Variants in PTPRQ observed in about 807,000 individuals in gnomAD.
PTPRQ encodes phosphatidylinositol phosphatase PTPRQ.
A neutral mutation model predicts 246.0 loss-of-function variants in PTPRQ; 199 were observed. The observed-to-expected ratio is 0.81, with a 90% confidence interval of 0.72 to 0.91. The LOEUF (loss-of-function observed/expected upper bound fraction) is 0.91. Among genes scored for constraint, PTPRQ ranks in the 40% least tolerant of loss-of-function variants. PTPRQ has a pLI of 0.00. For missense variants in PTPRQ, 2,624 were observed against 2,528.4 expected, an observed-to-expected ratio of 1.04 and a Z score of -0.81; for synonymous variants, 869 against 853.2, an observed-to-expected ratio of 1.02 and a Z score of -0.32.
chr12:80,456,673 C>A (rs1892992381), intron 3 of PTPRQ, among the ~76,000 whole-genome samples: 1 of 152,114 alleles, frequency 6.6e-6, no homozygotes, highest in Non-Finnish European at 1.5e-5. Context: ...TCATCTCACA[C>A]TTTATAAATC....
chr12:80,619,473 C>G lies in PTPRQ; in HGVS notation c.5320C>G (p.Pro1774Ala). ...TTCAACAACAATTACAATCAGAATG[C>G]CAATATGTTACTACAGTGATGATCA... ...VTSTTITIRM[P>A]ICYYSDDHGP... is the part of the protein sequence containing the mutation. Residue 1774 changes from proline (P) to alanine (A), a missense_variant, in exon 31 of 45, where the codon CCA becomes GCA. Physicochemically the swap from Pro to Ala is conservative, Grantham distance 27 (BLOSUM62 -1). Coordinates refer to ENST00000644991, the MANE Select transcript of PTPRQ (RefSeq NM_001145026.2). 6.5e-7 allele frequency: 1 copy of G among 1,547,804 alleles called. No homozygotes were observed.
rs61951081 is a variant in PTPRQ, at chr12:80,610,625, G to A, written c.4918G>A (p.Ala1640Thr). Residue 1640 changes from alanine (A) to threonine (T), a missense_variant and splice_region_variant, in exon 28 of 45, where the codon GCC (alanine) becomes ACC (threonine). Transcript: ENST00000644991. Reference protein sequence around the residue: ...AEMIVTTLESAPKDPPNNMTF... With the variant: ...AEMIVTTLESTPKDPPNNMTF... ...AATGATTGTTACTACTTTAGAATCAGGTAAGGAGAATTTCTCAACCTTGCT... is the reference window on the plus strand; with the variant it reads ...AATGATTGTTACTACTTTAGAATCAAGTAAGGAGAATTTCTCAACCTTGCT... 1 of 1,541,148 alleles carries A rather than the reference G, an allele frequency of 6.5e-7. No homozygotes were observed. The highest frequency in any genetic ancestry group is 2.0e-5 in the Admixed American group (1 of 50,496).
intron 26 of PTPRQ, among the ~76,000 whole-genome samples, chr12:80,589,335 G>A (rs558862596): frequency 9.2e-5 from 14 of 152,238 alleles, no homozygotes; most frequent in African/African-American, 3.4e-4. Context: ...CAGCCCTCCA[G>A]AGCAAATTTC....
intron 8 of PTPRQ, among the ~76,000 whole-genome samples, chr12:80,479,509 C>G (rs1298901459): frequency 6.8e-6 from 1 of 147,826 alleles, no homozygotes; most frequent in African/African-American, 2.5e-5. Flanking sequence ...ATGACAGGAT[C>G]AAATTCACAC....
intron 43 of PTPRQ, among the ~76,000 whole-genome samples, chr12:80,674,000 C>G (rs1901056809): frequency 6.6e-6 from 1 of 151,906 alleles, no homozygotes; most frequent in African/African-American, 2.4e-5. Flanking sequence ...TAAGGCAGGG[C>G]CAGTAAAACC....
At chr12:80,543,028 A>G in intron 23 of PTPRQ, 147 bp downstream of exon 23, 1 of 621,748 alleles carries the variant, frequency 1.6e-6, no homozygotes, top group Non-Finnish European at 2.5e-6. Flanking sequence ...AAGGATGCTT[A>G]TGGAAAACAC....
At chr12:80,540,654 T>C (rs559003186) in intron 20 of PTPRQ, among the ~76,000 whole-genome samples, 26 of 152,206 alleles carry the variant, frequency 1.7e-4, no homozygotes, top group Non-Finnish European at 2.5e-4. Flanking sequence ...ATTGACAGAT[T>C]CCTTAAGCAT....
At chr12:80,566,063 T>C (rs12319032) in intron 25 of PTPRQ, among the ~76,000 whole-genome samples, 5,551 of 152,308 alleles carry the variant, frequency 0.036, 344 homozygotes, top group African/African-American at 0.13. Context: ...TGCTTCTATG[T>C]CTAGATACCT....
intron 35 of PTPRQ, among the ~76,000 whole-genome samples, chr12:80,648,609 T>C: frequency 6.6e-6 from 1 of 152,142 alleles, no homozygotes; most frequent in South Asian, 2.1e-4. Flanking sequence ...CTATTTTTAA[T>C]GTAGTATCCT....
chr12:80,454,412 AT>A lies in PTPRQ; in HGVS notation c.391-3162del, dbSNP rs1310177970. On this transcript the variant is annotated intron_variant, in intron 3 of 44. Coordinates refer to ENST00000644991, the MANE Select transcript of PTPRQ (RefSeq NM_001145026.2). ...CCACTGTCTGGCACTCCCTAGTGAG[AT>A]GAACCCGGTACCTCAGATGGAAATG... 9.8e-5 allele frequency: 34 copies of A among 347,324 alleles called. 1 individual carries two copies. Among genetic ancestry groups the A allele is most frequent in the Non-Finnish European group, 1.5e-4 (30 of 205,076 alleles). 21.5% of individuals were successfully genotyped at this position (347,324 alleles called of 1,614,324 possible). A position where few individuals can be genotyped will look rare whatever the true frequency, so the allele number is the denominator to read the frequency against.
chr12:80,511,012 A>G (rs1298519515), intron 17 of PTPRQ, among the ~76,000 whole-genome samples: 1 of 152,192 alleles, frequency 6.6e-6, no homozygotes, highest in East Asian at 1.9e-4. Context: ...AGAACTTGGT[A>G]GATTGAAATC....
At chr12:80,669,295 A>G (rs964325734) in intron 40 of PTPRQ, 44 bp from the exon 41 acceptor site, 4 of 1,543,380 alleles carry the variant, frequency 2.6e-6, no homozygotes, top group Non-Finnish European at 8.7e-7. Context: ...ATATATATCA[A>G]TATAACAATG....
At chr12:80,534,771 A>G in intron 18 of PTPRQ, 121 bp from the exon 19 acceptor site, 1 of 1,249,510 alleles carries the variant, frequency 8.0e-7, no homozygotes, top group Non-Finnish European at 1.1e-6. Flanking sequence ...TTTCTAATTC[A>G]AGCTTTTTTG....
At chr12:80,595,255 C>T (rs902689982) in intron 26 of PTPRQ, among the ~76,000 whole-genome samples, 30 of 152,088 alleles carry the variant, frequency 2.0e-4, no homozygotes, top group African/African-American at 7.2e-4. Flanking sequence ...TTTAGTGGGG[C>T]TTTGAGTTCC....
intron 3 of PTPRQ, among the ~76,000 whole-genome samples, chr12:80,455,581 C>T (rs1012379725): frequency 7.6e-6 from 1 of 131,192 alleles, no homozygotes; most frequent in Admixed American, 8.6e-5. Context: ...AAAGTCTCGT[C>T]CTTTACATAG....
At chr12:80,678,824 C>T (rs1901227443) in intron 44 of PTPRQ, 99 bp downstream of exon 44, 2 of 1,448,350 alleles carry the variant, frequency 1.4e-6, no homozygotes, top group Non-Finnish European at 1.8e-6. Context: ...GTTTAAGAAG[C>T]TGGATTAGTG....
chr12:80,568,223 A>G (rs1337496940), intron 25 of PTPRQ, among the ~76,000 whole-genome samples: 1 of 152,240 alleles, frequency 6.6e-6, no homozygotes, highest in South Asian at 2.1e-4. Flanking sequence ...ATTATTTAGT[A>G]TACTAATTTA....
chr12:80,620,340 T>A lies in PTPRQ; in HGVS notation c.5576T>A (p.Ile1859Asn). ...ATGATTCCTGGCAATGAAGACAAAA[T>A]TTGCAATGGACCACTGAAACCAAAA... ...ACMIPGNEDK[I>N]CNGPLKPKKQ... The change falls in exon 32 of 45, where the codon ATT becomes AAT. Residue 1859 changes from isoleucine to asparagine, a missense_variant. Transcript: ENST00000644991. 5 of 1,549,276 alleles carry A rather than the reference T, an allele frequency of 3.2e-6. No individual in the cohort carries two copies. Among genetic ancestry groups the A allele is most frequent in the Non-Finnish European group, 4.4e-6 (5 of 1,145,426 alleles).
At chr12:80,527,298 CAATTT>C (rs1168470440) in intron 17 of PTPRQ, among the ~76,000 whole-genome samples, 5 of 152,012 alleles carry the variant, frequency 3.3e-5, no homozygotes, top group Non-Finnish European at 7.4e-5. Flanking sequence ...CATCTGAACA[CAATTT>C]AATTTACACC....
Sources: allele counts gnomAD v4.1 joint callset (sites outside exome capture counted in the v4.1 genomes callset), GRCh38; gene constraint gnomAD v4.1.1; transcripts MANE v1.5; gene names NCBI Gene and HGNC (gene_info 2026-07-23, HGNC 2026-07-21).